The following DOCK1 variants were observed in gnomAD, a reference collection of about 807,000 sequenced individuals.
DOCK1 encodes the protein dedicator of cytokinesis 1, also known as dedicator of cytokinesis protein 1.
In DOCK1, 138 loss-of-function variants were observed where a neutral mutation model predicts 262.7. That is an observed-to-expected ratio of 0.53 (90% confidence interval 0.46 to 0.61). DOCK1 has a LOEUF of 0.61. Among genes scored for constraint, DOCK1 ranks in the 20% least tolerant of loss-of-function variants. The pLI is 0.00. For synonymous variants in DOCK1, 866 were observed against 867.4 expected (o/e 1.00, Z 0.03); for missense variants, 1,908 against 2,370.7 (o/e 0.80, Z 4.05).
intron 1 of DOCK1, among the ~76,000 whole-genome samples, chr10:126,960,463 G>A (rs2037107868): frequency 6.6e-6 from 1 of 151,076 alleles, no homozygotes; most frequent in African/African-American, 2.4e-5. Flanking sequence ...CAAGGCTGCT[G>A]TTGAGCGCTC....
At chr10:127,414,638 C>G (rs541489415) in intron 43 of DOCK1, among the ~76,000 whole-genome samples, 160 of 152,230 alleles carry the variant, frequency 1.1e-3, no homozygotes, top group African/African-American at 3.6e-3. Flanking sequence ...TCTTTATGTT[C>G]TCATATAAAC....
intron 29 of DOCK1, among the ~76,000 whole-genome samples, chr10:127,314,719 T>C (rs1033050738): frequency 7.2e-5 from 11 of 152,332 alleles, no homozygotes; most frequent in Middle Eastern, 3.4e-3. Context: ...GTTTTCATAG[T>C]CTTCCCAGAC....
intron 27 of DOCK1, among the ~76,000 whole-genome samples, chr10:127,228,900 CACAT>C (rs1300940072): frequency 6.6e-6 from 1 of 152,158 alleles, no homozygotes; most frequent in African/African-American, 2.4e-5. Context: ...TGCATTCTCT[CACAT>C]ACTTATTTTT....
In DOCK1 at chr10:127,091,262, C is replaced by T. The variant is rs1017515255; in HGVS notation, c.2446-14969C>T. On this transcript the variant is annotated intron_variant, in intron 23 of 51. Coordinates refer to ENST00000623213, the MANE Select transcript of DOCK1 (RefSeq NM_001290223.2). The stretch of plus-strand genomic sequence containing the variant: ...CCTCCCAAAGTGCTGGGATTACAGG[C>T]GTGAGCCACTGCGCCCAGCCTGAAC... Among the ~76,000 whole-genome samples the T allele has an allele frequency of 3.9e-5, 6 of 152,124 alleles. No individual in the cohort carries two copies. The East Asian group carries it at 5.8e-4, about 15-fold the overall frequency.
chr10:126,981,563 A>G (rs1382314442), intron 3 of DOCK1, among the ~76,000 whole-genome samples: 1 of 152,238 alleles, frequency 6.6e-6, no homozygotes, highest in Non-Finnish European at 1.5e-5. Flanking sequence ...TCATTTTGAA[A>G]GAGGAGACCA....
chr10:127,429,240 G>T (rs2069115253), intron 47 of DOCK1, among the ~76,000 whole-genome samples: 1 of 152,068 alleles, frequency 6.6e-6, no homozygotes, highest in African/African-American at 2.4e-5. Context: ...ACAGAATGAA[G>T]GTTGCATTTT....
chr10:127,249,772 C>T (rs1344594522), intron 28 of DOCK1, among the ~76,000 whole-genome samples: 7 of 152,280 alleles, frequency 4.6e-5, no homozygotes, highest in South Asian at 4.1e-4. Context: ...TTACGCAGCA[C>T]GTGACTGTAC....
chr10:127,353,330 G>A (rs2063978154), intron 31 of DOCK1, among the ~76,000 whole-genome samples: 1 of 152,180 alleles, frequency 6.6e-6, no homozygotes, highest in Admixed American at 6.5e-5. Flanking sequence ...TAGTGCAGGA[G>A]CAAAATGGGA....
intron 1 of DOCK1, among the ~76,000 whole-genome samples, chr10:126,968,445 CA>C (rs2037843136): frequency 6.6e-6 from 1 of 152,080 alleles, no homozygotes; most frequent in Non-Finnish European, 1.5e-5. Context: ...TTGTCTGGCT[CA>C]TTTCACAGTT....
At position 127,018,696 on chromosome 10, in the gene DOCK1, C is replaced by T. The variant is rs2042189993; in HGVS notation, c.1202-14C>T. On this transcript the variant is annotated splice_polypyrimidine_tract_variant and intron_variant, in intron 12 of 51. Transcript: ENST00000623213. ...GGATAAAATGCGACTTAAGAGCATC[C>T]ATTGTTTTTCCAGGTTTGTGGGTAA... 2 of 1,613,982 alleles carry T rather than the reference C, an allele frequency of 1.2e-6. No homozygotes were observed. The highest frequency in any genetic ancestry group is 1.7e-6 in the Non-Finnish European group (2 of 1,179,898).
At chr10:126,950,384 G>A (rs2036105112) in intron 1 of DOCK1, among the ~76,000 whole-genome samples, 1 of 151,938 alleles carries the variant, frequency 6.6e-6, no homozygotes, top group African/African-American at 2.4e-5. Flanking sequence ...TTGCCTGCAG[G>A]GTCAGCTTAG....
chr10:126,962,526 A>G (rs2037312526), intron 1 of DOCK1, among the ~76,000 whole-genome samples: 1 of 151,770 alleles, frequency 6.6e-6, no homozygotes. Flanking sequence ...CTAACTCCTG[A>G]CCTCAAGTGA....
At chr10:127,180,422 A>C (rs2055614535) in intron 27 of DOCK1, among the ~76,000 whole-genome samples, 1 of 152,176 alleles carries the variant, frequency 6.6e-6, no homozygotes. Flanking sequence ...TTCGTAAGAA[A>C]ATTGTGTTTT....
intron 22 of DOCK1, among the ~76,000 whole-genome samples, chr10:127,053,635 ACTTAAAATGGTAAAGATGGTGAAT>A (rs2044912732): frequency 1.3e-5 from 2 of 152,248 alleles, no homozygotes; most frequent in Non-Finnish European, 2.9e-5. Flanking sequence ...TGAACTGTAT[ACTTAAAATGGTAAAGATGGTGAAT>A]TATATATATG....
intron 23 of DOCK1, among the ~76,000 whole-genome samples, chr10:127,089,976 T>G (rs924559868): frequency 6.6e-6 from 1 of 152,180 alleles, no homozygotes. Context: ...AATCACATGA[T>G]GTAAAATGTT....
chr10:127,128,763 G>A (rs1443282531), intron 27 of DOCK1, among the ~76,000 whole-genome samples: 1 of 152,082 alleles, frequency 6.6e-6, no homozygotes, highest in Non-Finnish European at 1.5e-5. Context: ...GTGTATAGGT[G>A]CCACATTTTC....
At chr10:127,040,817 T>C (rs1017194264) in intron 19 of DOCK1, among the ~76,000 whole-genome samples, 2 of 152,240 alleles carry the variant, frequency 1.3e-5, no homozygotes, top group African/African-American at 4.8e-5. Context: ...CCTTTTACTC[T>C]GAAGTTTTTA....
intron 44 of DOCK1, among the ~76,000 whole-genome samples, chr10:127,418,148 C>T (rs1039489013): frequency 2.0e-5 from 3 of 151,790 alleles, no homozygotes; most frequent in Admixed American, 2.0e-4. Context: ...CAGCCCCGCC[C>T]CCAGAGCTGA....
intron 1 of DOCK1, among the ~76,000 whole-genome samples, chr10:126,968,128 G>C (rs1160155213): frequency 6.6e-6 from 1 of 152,072 alleles, no homozygotes; most frequent in African/African-American, 2.4e-5. Context: ...GCCACACCCG[G>C]CCAAGATGCT....
Sources: gnomAD v4.1 joint callset for allele counts (sites outside exome capture counted in the v4.1 genomes callset) on GRCh38, gnomAD v4.1.1 for gene constraint, MANE v1.5 for transcripts, NCBI Gene and HGNC (gene_info 2026-07-23, HGNC 2026-07-21) for gene names.